UGT2B10: variants seen among roughly 807,000 people sequenced by gnomAD.
UGT2B10 encodes UDP glucuronosyltransferase family 2 member B10.
A neutral mutation model predicts 43.7 loss-of-function variants in UGT2B10; 51 were observed. The observed-to-expected ratio is 1.17, with a 90% CI of 0.93 to 1.47. The LOEUF (loss-of-function observed/expected upper bound fraction) is 1.47. UGT2B10 is among the 40% of genes most tolerant of loss of function. UGT2B10 has a pLI of 0.00. For synonymous variants in UGT2B10, 225 were observed against 209.0 expected (o/e 1.08, Z -0.66); for missense variants, 696 against 617.7 (o/e 1.13, Z -1.34).
intron 1 of UGT2B10, 97 bp from the exon 2 acceptor site, chr4:68,817,932 C>T: frequency 1.4e-6 from 2 of 1,427,878 alleles, no homozygotes; most frequent in East Asian, 5.0e-5. Flanking sequence ...ACAAACTTTA[C>T]CAACATTTTT....
At chr4:68,824,469 G>A in intron 3 of UGT2B10, among the ~76,000 whole-genome samples, 1 of 152,118 alleles carries the variant, frequency 6.6e-6, no homozygotes. Flanking sequence ...AGGAAGCCAG[G>A]CAGGGGAACA....
rs560630215 is a variant in UGT2B10, at chr4:68,830,891, A to G, written c.*12A>G. On this transcript the variant is annotated 3_prime_UTR_variant, in exon 6 of 6. Transcript: ENST00000265403. ...GAAAAAGGGATTAGTTATATCTGAG[A>G]TTTGAAGCTGGAAAACCTGATAGAT... 16 of 1,609,838 alleles carry G rather than the reference A, an allele frequency of 9.9e-6. No individual in the cohort carries two copies. Among genetic ancestry groups the G allele is most frequent in the African/African-American group, 9.4e-5 (7 of 74,684 alleles).
chr4:68,819,346 T>C (rs1400599539), intron 2 of UGT2B10, among the ~76,000 whole-genome samples: 1 of 151,954 alleles, frequency 6.6e-6, no homozygotes, highest in Non-Finnish European at 1.5e-5. Flanking sequence ...AGATGACAGA[T>C]ACCCTTGGAC....
rs114344683 is a variant in UGT2B10, at chr4:68,830,990, C to A, written c.*111C>A. On this transcript the variant is annotated 3_prime_UTR_variant, in exon 6 of 6. Coordinates refer to ENST00000265403, the MANE Select transcript of UGT2B10 (RefSeq NM_001075.6). ...CTTTCTTCCTGTGACAAAAAAAAAT[C>A]CTTTCGAAGTCTACCTTGTCAAGTA... 1,780 of 1,414,412 alleles carry A rather than the reference C, an allele frequency of 1.3e-3. 25 individuals are homozygous for A. In the African/African-American group the frequency reaches 0.023, roughly 18 times the overall value. 87.6% of individuals were successfully genotyped at this position (1,414,412 alleles called of 1,614,324 possible).
chr4:68,828,987 G>C (rs1491000372), intron 5 of UGT2B10, among the ~76,000 whole-genome samples: 1 of 151,932 alleles, frequency 6.6e-6, no homozygotes, highest in Non-Finnish European at 1.5e-5. Flanking sequence ...AATTATGCAT[G>C]CACTGTTATC....
chr4:68,827,256 A>G, intron 4 of UGT2B10, 73 bp from the exon 5 acceptor site: 1 of 1,606,540 alleles, frequency 6.2e-7, no homozygotes, highest in East Asian at 2.2e-5. Flanking sequence ...AAACACTGTC[A>G]CTTTCAGAGC....
chr4:68,826,942 T>A (rs1402257342), intron 4 of UGT2B10, among the ~76,000 whole-genome samples: 1 of 152,120 alleles, frequency 6.6e-6, no homozygotes, highest in Non-Finnish European at 1.5e-5. Flanking sequence ...GACCTGTCTT[T>A]CCTCAATCTT....
chr4:68,826,499 T>C lies in UGT2B10; in HGVS notation c.1087+2T>C, dbSNP rs1285991767. ...GGATACCCCAGAATGACCTTCTAGG[T>C]AACACTCTGGTGAACAATACTGGAT... On this transcript the variant is annotated splice_donor_variant, in intron 4 of 5. Coordinates refer to ENST00000265403, the MANE Select transcript of UGT2B10 (RefSeq NM_001075.6). LOFTEE classifies it high-confidence loss of function. The C allele has an allele frequency of 1.2e-6, 2 of 1,611,354 alleles. No homozygotes were observed. The highest frequency in any genetic ancestry group is 1.3e-5 in the African/African-American group (1 of 74,884).
At chr4:68,819,453 A>G (rs72636565) in intron 2 of UGT2B10, among the ~76,000 whole-genome samples, 14,179 of 152,008 alleles carry the variant, frequency 0.093, 934 homozygotes, top group Non-Finnish European at 0.15. Flanking sequence ...CCAGTATTCC[A>G]GCTTAAAACA....
At position 68,816,012 on chromosome 4, in the gene UGT2B10, G is replaced by A; in HGVS notation, c.-8G>A. The A allele has an allele frequency of 6.2e-7, 1 of 1,612,192 alleles. No homozygotes were observed. On this transcript the variant is annotated 5_prime_UTR_variant, in exon 1 of 6. Coordinates refer to ENST00000265403, the MANE Select transcript of UGT2B10 (RefSeq NM_001075.6). ...GTGACTGGAAAAGAATTATCACATT[G>A]CACAAGGATGGCTCTGAAATGGACT...
intron 1 of UGT2B10, among the ~76,000 whole-genome samples, chr4:68,817,673 A>G (rs1737283137): frequency 6.6e-6 from 1 of 151,730 alleles, no homozygotes; most frequent in Non-Finnish European, 1.5e-5. Flanking sequence ...TTGATTATGG[A>G]GCTCAAAGAT....
Position 68,816,561 on chromosome 4 carries a change from G to A in UGT2B10, c.542G>A (p.Arg181Lys), listed in dbSNP as rs369871943. 4.7e-5 allele frequency: 76 copies of A among 1,613,060 alleles called. No individual in the cohort carries two copies. The highest frequency in any genetic ancestry group is 6.2e-5 in the Non-Finnish European group (73 of 1,179,356). Residue 181 changes from arginine to lysine, a missense_variant, in exon 1 of 6, where the codon AGG becomes AAG. Arg to Lys is a conservative substitution (Grantham distance 26). Coordinates refer to ENST00000265403, the MANE Select transcript of UGT2B10 (RefSeq NM_001075.6). ...TTCAGTCCTGGCTACTCATTTGAAA[G>A]GCACAGTGGAGGATTTATTTTCCCT... ...HSFSPGYSFE[R>K]HSGGFIFPPS...
Position 68,831,258 on chromosome 4 carries a change from T to A in UGT2B10, c.*379T>A. The A allele has an allele frequency of 5.5e-6, 1 of 183,200 alleles. No individual in the cohort carries two copies. Among genetic ancestry groups the A allele is most frequent in the Non-Finnish European group, 1.1e-5 (1 of 88,126 alleles). The allele number at this position is 183,200 out of a possible 1,614,324, so 11.3% of individuals were successfully genotyped here. ...ATAGGTGCATGTCACCATGTCCAAC[T>A]AATTTTTTATTTTTTGTAGTGATGA... is the stretch of plus-strand genomic sequence containing the variant. On this transcript the variant is annotated 3_prime_UTR_variant, in exon 6 of 6. Coordinates refer to ENST00000265403, the MANE Select transcript of UGT2B10 (RefSeq NM_001075.6).
In UGT2B10 at chr4:68,816,602, G is replaced by A. The variant is rs562436137; in HGVS notation, c.583G>A (p.Val195Ile). The A allele has an allele frequency of 6.2e-7, 1 of 1,612,916 alleles. No homozygotes were observed. The highest frequency in any genetic ancestry group is 8.5e-7 in the Non-Finnish European group (1 of 1,179,306). Residue 195 changes from valine to isoleucine, a missense_variant, in exon 1 of 6, where the codon GTT becomes ATT. Transcript: ENST00000265403. ...TATTTTCCCTCCTTCCTACGTACCT[G>A]TTGTTATGTCAAAATTAAGTGATCA... ...GFIFPPSYVP[V>I]VMSKLSDQMT...
intron 2 of UGT2B10, among the ~76,000 whole-genome samples, chr4:68,821,580 G>C (rs1379603460): frequency 6.6e-6 from 1 of 152,092 alleles, no homozygotes; most frequent in Non-Finnish European, 1.5e-5. Context: ...TTATAAATGA[G>C]ACTCTAAGGA....
chr4:68,819,098 A>T (rs1737368816), intron 2 of UGT2B10, among the ~76,000 whole-genome samples: 1 of 151,982 alleles, frequency 6.6e-6, no homozygotes. Context: ...ACATTTACAA[A>T]AATAGTGCCA....
rs374116536 is a variant in UGT2B10, at chr4:68,830,664, C to T, written c.1372C>T (p.Arg458Ter). The T allele has an allele frequency of 8.6e-5, 139 of 1,613,320 alleles. 1 individual carries two copies. The South Asian group carries it at 1.4e-3, about 16-fold the overall frequency. Residue 458 changes from arginine (R) to a stop codon, truncating the protein, a stop_gained, in exon 6 of 6, where the codon CGA (arginine) becomes TGA (stop). Transcript: ENST00000265403. LOFTEE classifies it low-confidence loss of function (END_TRUNC). ...TGATCAACCAGTGAAGCCCCTGGAT[C>T]GAGCAGTCTTCTGGATTGAATTTGT... Reference protein sequence around the residue: ...QHDQPVKPLDRAVFWIEFVMR... With the variant: ...QHDQPVKPLD
chr4:68,820,212 T>G (rs1737424955), intron 2 of UGT2B10, among the ~76,000 whole-genome samples: 2 of 152,112 alleles, frequency 1.3e-5, no homozygotes, highest in Non-Finnish European at 1.5e-5. Flanking sequence ...CTCTTGTTAT[T>G]AACTTGCAGA....
intron 3 of UGT2B10, 52 bp downstream of exon 3, chr4:68,822,454 A>T: frequency 6.2e-7 from 1 of 1,608,108 alleles, no homozygotes; most frequent in Non-Finnish European, 8.5e-7. Flanking sequence ...AGGCTGTTAA[A>T]GTTTGTGATC....
Sources: allele counts gnomAD v4.1 joint callset (sites outside exome capture counted in the v4.1 genomes callset), GRCh38; gene constraint gnomAD v4.1.1; transcripts MANE v1.5; gene names NCBI Gene and HGNC (gene_info 2026-07-23, HGNC 2026-07-21).